The following ABCC4 variants were observed in gnomAD, a reference collection of about 807,000 sequenced individuals.
The protein encoded by ABCC4 is ATP binding cassette subfamily C member 4 (PEL blood group).
In ABCC4, 102 loss-of-function variants were observed where a neutral mutation model predicts 168.5. The ratio of observed to expected loss-of-function variants is 0.61; its 90% CI spans 0.52 to 0.71. The LOEUF (loss-of-function observed/expected upper bound fraction) is 0.71, where lower values mean the gene tolerates loss of function less well. Among genes scored for constraint, ABCC4 ranks in the 30% least tolerant of loss-of-function variants. ABCC4 has a pLI of 0.00. For missense variants in ABCC4, 1,402 were observed against 1,605.8 expected, an observed-to-expected ratio of 0.87 and a Z score of 2.17; for synonymous variants, 617 against 590.7, an observed-to-expected ratio of 1.04 and a Z score of -0.65.
chr13:95,045,408 T>C (rs180815340), intron 27 of ABCC4, among the ~76,000 whole-genome samples: 1 of 152,286 alleles, frequency 6.6e-6, no homozygotes, highest in East Asian at 1.9e-4. Flanking sequence ...CCTCATTTGT[T>C]AGGAAATCAG....
intron 20 of ABCC4, among the ~76,000 whole-genome samples, chr13:95,090,987 A>G (rs1351850057): frequency 1.3e-5 from 2 of 152,230 alleles, no homozygotes; most frequent in Admixed American, 6.5e-5. Flanking sequence ...AATGCTCTGG[A>G]AAGTCTCAGC....
chr13:95,287,695 G>A (rs1349091245), intron 1 of ABCC4, among the ~76,000 whole-genome samples: 1 of 152,064 alleles, frequency 6.6e-6, no homozygotes, highest in Non-Finnish European at 1.5e-5. Context: ...AGGATGTAGT[G>A]TGCCTGTGAA....
intron 14 of ABCC4, among the ~76,000 whole-genome samples, chr13:95,166,783 G>T (rs149291960): frequency 4.5e-4 from 68 of 152,298 alleles, no homozygotes; most frequent in Middle Eastern, 3.4e-3. Flanking sequence ...GCACAGGTAG[G>T]AAGCACTCCA....
chr13:95,273,282 C>G (rs2040888584), intron 1 of ABCC4, among the ~76,000 whole-genome samples: 2 of 152,150 alleles, frequency 1.3e-5, no homozygotes, highest in African/African-American at 2.4e-5. Flanking sequence ...AAGGTAGGGC[C>G]TCCCACAACG....
rs111574315 is a variant in ABCC4, at chr13:95,209,845, C to G, written c.622-248G>C. Among the ~76,000 whole-genome samples, 319 of 152,326 alleles carry G rather than the reference C, an allele frequency of 2.1e-3. 3 individuals carry two copies. The highest frequency in any genetic ancestry group is 7.2e-3 in the African/African-American group (300 of 41,580). ...AGCGGCATTAGAAGAATGTCTTGAT[C>G]GTGACTATCTTCACTGATGAGCTGA... On this transcript the variant is annotated intron_variant, in intron 5 of 30. Transcript: ENST00000645237.
At chr13:95,216,614 A>T (rs77565606) in intron 4 of ABCC4, among the ~76,000 whole-genome samples, 67 of 136,240 alleles carry the variant, frequency 4.9e-4, no homozygotes, top group African/African-American at 1.7e-3. Context: ...TTCACAAAAA[A>T]AAAAAAAAAA....
rs1465194483 is a variant in ABCC4 at position 95,071,841 on chromosome 13, C to G, written c.3031G>C (p.Glu1011Gln). ...AEVENMMISVERVIEYTDLEK... is the reference protein window; with the variant it reads ...AEVENMMISVQRVIEYTDLEK... ...AGGTCTGTGTATTCAATGACCCTTT[C>G]TACTGAGATCATCTGAAAGAAATAT... The change falls in exon 25 of 31, where the codon GAA becomes CAA. Residue 1011 changes from glutamate to glutamine, a missense_variant. By Grantham distance (29) the Glu-to-Gln change is conservative. Coordinates refer to ENST00000645237, the MANE Select transcript of ABCC4 (RefSeq NM_005845.5). 7 of 1,552,120 alleles carry G rather than the reference C, an allele frequency of 4.5e-6. No individual in the cohort carries two copies. The highest frequency in any genetic ancestry group is 6.1e-6 in the Non-Finnish European group (7 of 1,153,718).
chr13:95,071,604 A>G (rs1409273147), intron 25 of ABCC4, 58 bp downstream of exon 25: 1 of 1,346,140 alleles, frequency 7.4e-7, no homozygotes, highest in African/African-American at 1.5e-5. Context: ...GAAGACAACA[A>G]GCAGACATAG....
chr13:95,120,287 C>A (rs1594128422), intron 19 of ABCC4, among the ~76,000 whole-genome samples: 2 of 152,256 alleles, frequency 1.3e-5, no homozygotes, highest in East Asian at 3.9e-4. Flanking sequence ...GGCCTTTGAG[C>A]CAGGCGCGGT....
At chr13:95,262,104 G>C (rs1052266872) in intron 1 of ABCC4, among the ~76,000 whole-genome samples, 2 of 152,172 alleles carry the variant, frequency 1.3e-5, no homozygotes, top group Admixed American at 6.5e-5. Flanking sequence ...CAACATGCCT[G>C]GGGGGCAGCT....
chr13:95,192,096 A>C (rs917726329), intron 9 of ABCC4, among the ~76,000 whole-genome samples: 16 of 152,356 alleles, frequency 1.1e-4, no homozygotes, highest in Admixed American at 4.6e-4. Context: ...ATGGAGAGTC[A>C]CAGGCTCTCA....
chr13:95,198,042 T>C (rs372728314), intron 8 of ABCC4, among the ~76,000 whole-genome samples: 12 of 152,242 alleles, frequency 7.9e-5, no homozygotes, highest in African/African-American at 2.6e-4. Flanking sequence ...ATTCAGGACA[T>C]AGGCATGGCA....
rs2274402 is a variant in ABCC4 at position 95,075,697 on chromosome 13, C to G, written c.2687-146G>C. On this transcript the variant is annotated intron_variant, in intron 21 of 30. Transcript: ENST00000645237. ...TGTTTCAAGGAAAAATAAATGTTCC[C>G]AATAGCCTGAGGGGACCCTGCCACT... is the stretch of plus-strand genomic sequence containing the variant. The G allele has an allele frequency of 6.5e-4, 682 of 1,053,926 alleles. 8 individuals are homozygous for G. The East Asian group carries it at 0.016, about 24-fold the overall frequency. 65.3% of individuals were successfully genotyped at this position (1,053,926 alleles called of 1,614,324 possible).
chr13:95,080,201 G>C (rs1202976450), intron 21 of ABCC4, among the ~76,000 whole-genome samples: 2 of 152,164 alleles, frequency 1.3e-5, no homozygotes, highest in Non-Finnish European at 2.9e-5. Context: ...GACATTGCTA[G>C]TGGATCACAA....
At chr13:95,172,725 G>T (rs1194197090) in intron 13 of ABCC4, among the ~76,000 whole-genome samples, 9 of 152,090 alleles carry the variant, frequency 5.9e-5, no homozygotes, top group Non-Finnish European at 1.2e-4. Context: ...GAACCCAGGA[G>T]TTAAAGGCCA....
At chr13:95,034,122 T>A (rs1003733879) in intron 30 of ABCC4, among the ~76,000 whole-genome samples, 1 of 152,224 alleles carries the variant, frequency 6.6e-6, no homozygotes, top group African/African-American at 2.4e-5. Flanking sequence ...TCTAGGTAGA[T>A]CTAGGTAGAA....
intron 27 of ABCC4, among the ~76,000 whole-genome samples, chr13:95,046,695 G>A (rs528948267): frequency 3.4e-4 from 51 of 152,156 alleles, no homozygotes; most frequent in African/African-American, 1.1e-3. Flanking sequence ...CCAGGGAGGC[G>A]GAGGTTGCAA....
intron 4 of ABCC4, among the ~76,000 whole-genome samples, chr13:95,219,824 T>A (rs1488827026): frequency 1.3e-5 from 2 of 151,656 alleles, no homozygotes; most frequent in African/African-American, 4.8e-5. Context: ...CATCATTTTT[T>A]AAAAATCTTT....
chr13:95,042,054 T>A (rs763584991), intron 29 of ABCC4, among the ~76,000 whole-genome samples: 39 of 152,264 alleles, frequency 2.6e-4, no homozygotes, highest in Non-Finnish European at 4.6e-4. Context: ...TCTCCCAATA[T>A]CATTGGAGAG....
Sources: gnomAD v4.1 joint callset for allele counts (sites outside exome capture counted in the v4.1 genomes callset) on GRCh38, gnomAD v4.1.1 for gene constraint, MANE v1.5 for transcripts, NCBI Gene and HGNC (gene_info 2026-07-23, HGNC 2026-07-21) for gene names.